SEZ6: variants seen among roughly 807,000 people sequenced by gnomAD.
SEZ6 encodes seizure protein 6 homolog.
In SEZ6, 53 loss-of-function variants were observed where a neutral mutation model predicts 101.0. The ratio of observed to expected loss-of-function variants is 0.52; its 90% CI spans 0.42 to 0.66. SEZ6 has a LOEUF of 0.66. Among genes scored for constraint, SEZ6 ranks in the 30% least tolerant of loss-of-function variants. The pLI, the probability that SEZ6 is intolerant of heterozygous loss-of-function variation, is 0.00. For synonymous variants in SEZ6, 488 were observed against 512.2 expected, an observed-to-expected ratio of 0.95 and a Z score of 0.64; for missense variants, 1,102 against 1,289.4, an observed-to-expected ratio of 0.85 and a Z score of 2.23.
chr17:28,974,334 T>TCATG (rs1440620471), intron 3 of SEZ6, among the ~76,000 whole-genome samples: 1 of 152,046 alleles, frequency 6.6e-6, no homozygotes, highest in Non-Finnish European at 1.5e-5. Flanking sequence ...CTCAAACGTG[T>TCATG]CATGGCACGT....
chr17:28,973,474 C>G (rs1041964810), intron 3 of SEZ6, among the ~76,000 whole-genome samples: 6 of 152,240 alleles, frequency 3.9e-5, no homozygotes, highest in Non-Finnish European at 5.9e-5. Context: ...CCTCTGGCCC[C>G]CTCTGGTCCA....
rs1243428892 is a variant in SEZ6, at chr17:28,981,914, C to A, written c.181G>T (p.Ala61Ser). Residue 61 changes from alanine to serine, a missense_variant, in exon 2 of 17, where the codon GCC becomes TCC. Transcript: ENST00000317338. ...TGGTTGAGCAGCTTCAAGGTGGGGGCTGTTGTGACAAAGTGGACGCCTCGT... is the reference window on the plus strand; with the variant it reads ...TGGTTGAGCAGCTTCAAGGTGGGGGATGTTGTGACAAAGTGGACGCCTCGT... ...PERGVHFVTT[A>S]PTLKLLNHHP... The A allele has an allele frequency of 1.2e-6, 2 of 1,613,884 alleles. No individual in the cohort carries two copies. The highest frequency in any genetic ancestry group is 1.7e-6 in the Non-Finnish European group (2 of 1,179,884).
Position 28,981,881 on chromosome 17 carries a change from G to A in SEZ6, c.214C>T (p.Leu72=), listed in dbSNP as rs766404251. Residue 72 remains leucine, a synonymous_variant, in exon 2 of 17, where the codon CTG becomes TTG. Coordinates refer to ENST00000317338, the MANE Select transcript of SEZ6 (RefSeq NM_178860.5). ...PTLKLLNHHP[L]LEEFLQEGLE... Reference sequence around the variant, plus strand: ...CCCTCTTGTAGGAATTCCTCAAGCAGCGGGTGGTGGTTGAGCAGCTTCAAG... The same window carrying A: ...CCCTCTTGTAGGAATTCCTCAAGCAACGGGTGGTGGTTGAGCAGCTTCAAG... The A allele has an allele frequency of 1.9e-6, 3 of 1,613,968 alleles. No individual in the cohort carries two copies. The highest frequency in any genetic ancestry group is 3.3e-5 in the Admixed American group (2 of 60,026).
intron 1 of SEZ6, among the ~76,000 whole-genome samples, chr17:28,995,749 G>A (rs909721780): frequency 6.6e-6 from 1 of 152,200 alleles, no homozygotes; most frequent in Non-Finnish European, 1.5e-5. Context: ...TTCCAGAGCA[G>A]CTGCAGCTGG....
chr17:28,959,323 T>G lies in SEZ6; in HGVS notation c.1910+11A>C, dbSNP rs994114262. Reference sequence around the variant, plus strand: ...CAGGAGTTGGCTCGGCCTGACCCGGTAGGCACTCACACTCGGATGTCCAGC... The same window carrying G: ...CAGGAGTTGGCTCGGCCTGACCCGGGAGGCACTCACACTCGGATGTCCAGC... On this transcript the variant is annotated intron_variant, in intron 9 of 16. Coordinates refer to ENST00000317338, the MANE Select transcript of SEZ6 (RefSeq NM_178860.5). This position sits in a 1 kb window ranked among gnomAD's most constrained non-coding sequence, Gnocchi z 4.4. 2.5e-6 allele frequency: 4 copies of G among 1,613,808 alleles called. No homozygotes were observed. Among genetic ancestry groups the G allele is most frequent in the Non-Finnish European group, 3.4e-6 (4 of 1,179,878 alleles).
At chr17:28,988,032 G>T (rs896605824) in intron 1 of SEZ6, among the ~76,000 whole-genome samples, 2 of 152,206 alleles carry the variant, frequency 1.3e-5, no homozygotes, top group African/African-American at 2.4e-5. Context: ...ATGGGGAAGG[G>T]TGTTCTGGTT....
In SEZ6 at chr17:28,964,025, T is replaced by A. The variant is rs1277856149; in HGVS notation, c.1177A>T (p.Arg393Trp). ...GTGGCATTGAGACAGGTGAGATGCC[T>A]GGCGCCCTTCAGCTGGTAGCCAGTG... is the stretch of plus-strand genomic sequence containing the variant. The part of the protein sequence containing the change: ...CATGYQLKGA[R>W]HLTCLNATQP... Residue 393 changes from arginine to tryptophan, a missense_variant, in exon 5 of 17, where the codon AGG (arginine) becomes TGG (tryptophan). By Grantham distance (101) the Arg-to-Trp change is moderately radical. Around this residue, in one of 3 missense-constraint regions of SEZ6, gnomAD observed 556 missense variants for 735.1 expected, o/e 0.76. Coordinates refer to ENST00000317338, the MANE Select transcript of SEZ6 (RefSeq NM_178860.5). 1 of 1,611,960 alleles carries A rather than the reference T, an allele frequency of 6.2e-7. No homozygotes were observed. Among genetic ancestry groups the A allele is most frequent in the Admixed American group, 1.7e-5 (1 of 59,798 alleles).
chr17:29,000,200 G>C (rs1391229382), intron 1 of SEZ6, among the ~76,000 whole-genome samples: 2 of 152,174 alleles, frequency 1.3e-5, no homozygotes, highest in African/African-American at 4.8e-5. Flanking sequence ...ACTCTCCTGG[G>C]TTCCCTTCTG....
chr17:28,979,746 G>C lies in SEZ6; in HGVS notation c.792C>G (p.Pro264=), dbSNP rs774505415. Residue 264 remains proline, a synonymous_variant, in exon 3 of 17, where the codon CCC becomes CCG. Transcript: ENST00000317338. ...AGAAGCAGTCCAGGCCAACATCAGT[G>C]GGGGAGCTGAGGTCTGTAGGGGAGT... The part of the protein sequence containing the change: ...SLDSPTDLSS[P]TDVGLDCFFY... 13 of 1,613,670 alleles carry C rather than the reference G, an allele frequency of 8.1e-6. No individual in the cohort carries two copies. Among genetic ancestry groups the C allele is most frequent in the South Asian group, 5.5e-5 (5 of 91,024 alleles).
chr17:28,996,093 C>A (rs1384709920), intron 1 of SEZ6, among the ~76,000 whole-genome samples: 1 of 148,266 alleles, frequency 6.7e-6, no homozygotes, highest in Non-Finnish European at 1.5e-5. Flanking sequence ...CTCCGCCTCC[C>A]GGGTTCACGC....
rs746842084 is a variant in SEZ6 at position 29,005,802 on chromosome 17, C to T, written c.55+13G>A. The T allele has an allele frequency of 4.7e-6, 7 of 1,483,786 alleles. No individual in the cohort carries two copies. In the South Asian group the frequency reaches 6.2e-5, roughly 13 times the overall value. 91.9% of individuals were successfully genotyped at this position (1,483,786 alleles called of 1,614,324 possible). A position where few individuals can be genotyped will look rare whatever the true frequency, so the allele number is the denominator to read the frequency against. ...CCGCCCCCGTCCTGCCGCCGGATGC[C>T]GGGGTCCCTTACCGTGAGCCAGGAG... On this transcript the variant is annotated intron_variant, in intron 1 of 16. Coordinates refer to ENST00000317338, the MANE Select transcript of SEZ6 (RefSeq NM_178860.5). This position sits in a 1 kb window ranked among gnomAD's most constrained non-coding sequence, Gnocchi z 4.8.
upstream of SEZ6, chr17:29,006,057 G>A (rs1043649342): frequency 2.5e-5 from 10 of 395,732 alleles, no homozygotes; most frequent in Admixed American, 4.9e-5. Flanking sequence ...CGACGGCGCC[G>A]GGGATCGCCG....
At chr17:28,970,018 G>T in intron 3 of SEZ6, 66 bp from the exon 4 acceptor site, 2 of 1,428,562 alleles carry the variant, frequency 1.4e-6, no homozygotes, top group Non-Finnish European at 9.2e-7. Context: ...GGATCCTGCC[G>T]CCCTCAGGAT....
chr17:28,994,611 G>GT (rs1221964523), intron 1 of SEZ6, among the ~76,000 whole-genome samples: 3 of 152,022 alleles, frequency 2.0e-5, no homozygotes, highest in Non-Finnish European at 4.4e-5. Flanking sequence ...GGGTTTCACC[G>GT]TGTTAGCCAG....
At chr17:28,956,997 G>A (rs2040889295) in intron 13 of SEZ6, 48 bp downstream of exon 13, 3 of 1,506,972 alleles carry the variant, frequency 2.0e-6, no homozygotes, top group Non-Finnish European at 2.7e-6. Flanking sequence ...CTTTGCCAGA[G>A]CAGCTCTATG....
chr17:28,984,336 G>A (rs1699162778), intron 1 of SEZ6, among the ~76,000 whole-genome samples: 1 of 152,222 alleles, frequency 6.6e-6, no homozygotes, highest in South Asian at 2.1e-4. Context: ...AAGGAAGGGG[G>A]GCTTTTCTAA....
chr17:29,000,449 G>A (rs923702575), intron 1 of SEZ6, among the ~76,000 whole-genome samples: 1 of 152,214 alleles, frequency 6.6e-6, no homozygotes, highest in Admixed American at 6.5e-5. Flanking sequence ...AGTGAAGGCT[G>A]GGCCCCTGAG....
chr17:28,955,954 T>C lies in SEZ6; in HGVS notation c.*8A>G, dbSNP rs748733059. 6.2e-7 allele frequency: 1 copy of C among 1,611,966 alleles called. No individual in the cohort carries two copies. The highest frequency in any genetic ancestry group is 8.5e-7 in the Non-Finnish European group (1 of 1,179,132). ...CTTCCCTAGACTGCCCCCACCTAGA[T>C]GGAGACTTCATATTCTCTCGTCTCC... is the stretch of plus-strand genomic sequence containing the variant. On this transcript the variant is annotated 3_prime_UTR_variant, in exon 17 of 17. Coordinates refer to ENST00000317338, the MANE Select transcript of SEZ6 (RefSeq NM_178860.5).
chr17:28,988,852 C>T (rs79673210), intron 1 of SEZ6, among the ~76,000 whole-genome samples: 2 of 152,344 alleles, frequency 1.3e-5, no homozygotes, highest in African/African-American at 2.4e-5. Flanking sequence ...TCCCAAGTCA[C>T]ACAGCAAACT....
Sources: allele counts gnomAD v4.1 joint callset (sites outside exome capture counted in the v4.1 genomes callset), GRCh38; gene constraint gnomAD v4.1.1; regional missense constraint gnomAD v4.1.1; non-coding constraint Gnocchi (gnomAD v3.1); transcripts MANE v1.5; gene names NCBI Gene and HGNC (gene_info 2026-07-23, HGNC 2026-07-21).